RGS6: variants seen among roughly 807,000 people sequenced by gnomAD.
The protein encoded by RGS6 is regulator of G-protein signaling 6.
A neutral mutation model predicts 78.5 loss-of-function variants in RGS6; 30 were observed. The observed-to-expected ratio is 0.38, with a 90% CI of 0.29 to 0.52. The LOEUF is 0.52. Ranked by LOEUF, RGS6 falls within the 20% of genes least tolerant of loss-of-function variation. RGS6 has a pLI of 0.85. For synonymous variants in RGS6, 206 were observed against 206.0 expected, an observed-to-expected ratio of 1.00 and a Z score of 0.00; for missense variants, 495 against 609.7, an observed-to-expected ratio of 0.81 and a Z score of 1.98.
chr14:72,093,461 C>CT (rs2095329681), intron 2 of RGS6, among the ~76,000 whole-genome samples: 1 of 152,162 alleles, frequency 6.6e-6, no homozygotes, highest in Non-Finnish European at 1.5e-5. Context: ...CCAGGGTGGT[C>CT]TTGAACTCCT....
At chr14:71,933,393 C>T (rs1391077463) in intron 1 of RGS6, 2 of 151,662 alleles carry the variant, frequency 1.3e-5, no homozygotes, top group Non-Finnish European at 2.9e-5. Flanking sequence ...GAAAGCGAGT[C>T]TCCGCGGTGA....
At chr14:72,345,761 C>T (rs1169840475) in intron 2 of RGS6, among the ~76,000 whole-genome samples, 2 of 152,192 alleles carry the variant, frequency 1.3e-5, no homozygotes, top group African/African-American at 2.4e-5. Flanking sequence ...GTGCATGGCA[C>T]TTGGTAGGTG....
chr14:72,371,635 C>T (rs933041471), intron 3 of RGS6, among the ~76,000 whole-genome samples: 6 of 152,120 alleles, frequency 3.9e-5, no homozygotes, highest in East Asian at 1.9e-4. Context: ...GTGGCGCATG[C>T]CTGTAATCCT....
At chr14:72,056,140 C>A (rs1172220572) in intron 2 of RGS6, among the ~76,000 whole-genome samples, 1 of 152,162 alleles carries the variant, frequency 6.6e-6, no homozygotes, top group African/African-American at 2.4e-5. Flanking sequence ...TGGATAAAAA[C>A]TGCCTCATAA....
intron 2 of RGS6, among the ~76,000 whole-genome samples, chr14:72,227,842 GT>G (rs1329904710): frequency 3.3e-5 from 5 of 152,192 alleles, no homozygotes; most frequent in Non-Finnish European, 1.5e-5. Context: ...GGCTTGGTAT[GT>G]TTGGGGGTCC....
chr14:72,336,867 G>A lies in RGS6; in HGVS notation c.85-15228G>A, dbSNP rs75106348. Among the ~76,000 whole-genome samples, 393 of 152,184 alleles carry A rather than the reference G, an allele frequency of 2.6e-3. 2 individuals carry two copies. Among genetic ancestry groups the A allele is most frequent in the African/African-American group, 9.1e-3 (378 of 41,526 alleles). ...GCCTGTAGATGACTTTGCCCCCTGT[G>A]TTTCTTCACAGTATCTTCCCTCTGT... On this transcript the variant is annotated intron_variant, in intron 2 of 17. Coordinates refer to ENST00000553525, the MANE Select transcript of RGS6 (RefSeq NM_001204424.2).
intron 2 of RGS6, among the ~76,000 whole-genome samples, chr14:72,250,932 G>A (rs538697951): frequency 6.6e-6 from 1 of 152,292 alleles, no homozygotes; most frequent in African/African-American, 2.4e-5. Context: ...ACAGGGCAAA[G>A]GCATACAAGT....
chr14:72,474,407 C>T (rs754811356), intron 9 of RGS6, among the ~76,000 whole-genome samples: 2 of 152,294 alleles, frequency 1.3e-5, no homozygotes, highest in African/African-American at 4.8e-5. Context: ...AAACTGTACA[C>T]TATACCCTCT....
intron 2 of RGS6, among the ~76,000 whole-genome samples, chr14:72,336,399 A>C (rs539533971): frequency 1.3e-5 from 2 of 152,108 alleles, no homozygotes; most frequent in Non-Finnish European, 2.9e-5. Flanking sequence ...CTAAGCTTTG[A>C]AGTACTATAT....
At chr14:72,006,447 G>C (rs899217551) in intron 2 of RGS6, among the ~76,000 whole-genome samples, 4 of 152,186 alleles carry the variant, frequency 2.6e-5, no homozygotes, top group Non-Finnish European at 4.4e-5. Context: ...GTGTTGGGCT[G>C]TTTCTCTTGG....
At chr14:72,514,598 C>A (rs1413261969) in intron 14 of RGS6, among the ~76,000 whole-genome samples, 5 of 152,248 alleles carry the variant, frequency 3.3e-5, no homozygotes, top group Non-Finnish European at 7.3e-5. Context: ...ATTTCTAAGT[C>A]ATGAACACGG....
the RGS6 span, among the ~76,000 whole-genome samples, chr14:72,596,288 C>T: frequency 2.0e-5 from 3 of 152,142 alleles, no homozygotes; most frequent in East Asian, 3.8e-4. Flanking sequence ...TCTCACATCC[C>T]ATTACCCTGA....
intron 2 of RGS6, among the ~76,000 whole-genome samples, chr14:72,225,056 C>T (rs1458854295): frequency 6.6e-6 from 1 of 152,210 alleles, no homozygotes; most frequent in Non-Finnish European, 1.5e-5. Context: ...CCCATTCACT[C>T]ATCAAGGCCT....
At chr14:72,342,872 C>G (rs906330711) in intron 2 of RGS6, among the ~76,000 whole-genome samples, 2 of 152,060 alleles carry the variant, frequency 1.3e-5, no homozygotes, top group African/African-American at 2.4e-5. Flanking sequence ...TCTTCCCTGT[C>G]GTCATCCCTG....
intron 3 of RGS6, among the ~76,000 whole-genome samples, chr14:72,411,845 T>C (rs2093438202): frequency 6.6e-6 from 1 of 152,226 alleles, no homozygotes; most frequent in African/African-American, 2.4e-5. Context: ...TTGTCTTTGG[T>C]TCTGTTTATA....
At chr14:72,292,553 C>T (rs1042285357) in intron 2 of RGS6, among the ~76,000 whole-genome samples, 11 of 152,206 alleles carry the variant, frequency 7.2e-5, no homozygotes, top group African/African-American at 2.7e-4. Flanking sequence ...GTCTGTTAAA[C>T]TTCTATTTTC....
At chr14:72,611,528 G>T in the RGS6 span, among the ~76,000 whole-genome samples, 1 of 148,898 alleles carries the variant, frequency 6.7e-6, no homozygotes, top group East Asian at 2.1e-4. Context: ...CCCCAGTCCC[G>T]CTCTCTGCTT....
chr14:72,045,929 A>G (rs1375516817), intron 2 of RGS6, among the ~76,000 whole-genome samples: 1 of 152,060 alleles, frequency 6.6e-6, no homozygotes, highest in East Asian at 1.9e-4. Context: ...CGCCAAGTTT[A>G]TATGTGGAAG....
chr14:72,483,968 G>GA (rs34125161), intron 12 of RGS6, among the ~76,000 whole-genome samples: 31,881 of 145,252 alleles, frequency 0.22, 4,320 homozygotes, highest in East Asian at 0.58. Flanking sequence ...TTCTCCAAGT[G>GA]AAAAAAAAAA....
Sources: gnomAD v4.1 joint callset for allele counts (sites outside exome capture counted in the v4.1 genomes callset) on GRCh38, gnomAD v4.1.1 for gene constraint, MANE v1.5 for transcripts, NCBI Gene and HGNC (gene_info 2026-07-23, HGNC 2026-07-21) for gene names.